Variants in PUDP observed in about 807,000 individuals in gnomAD.
PUDP encodes the protein pseudouridine-5'-phosphatase.
Under a neutral mutation model 9.4 loss-of-function variants are expected in PUDP, and 8 were observed. The observed-to-expected ratio is 0.85, with a 90% CI of 0.50 to 1.53. The LOEUF is 1.53. Among genes scored for constraint, PUDP ranks in the 40% most tolerant of loss-of-function variants. The probability of loss-of-function intolerance (pLI) is 0.00; values close to 1 mark genes in which losing one functional copy is unlikely to be tolerated. For missense variants in PUDP, 188 were observed against 189.7 expected (o/e 0.99, Z 0.05); for synonymous variants, 99 against 80.7 (o/e 1.23, Z -1.22).
intron 1 of PUDP, among the ~76,000 whole-genome samples, chrX:7,140,268 T>C (rs1299116070): frequency 1.8e-5 from 2 of 112,108 alleles, no homozygotes; most frequent in Non-Finnish European, 3.8e-5. Context: ...GCTCTTAATA[T>C]ATTAAATGCT....
intron 1 of PUDP, among the ~76,000 whole-genome samples, chrX:6,713,056 C>G (rs1374828918): frequency 2.7e-5 from 3 of 111,391 alleles, no homozygotes; most frequent in African/African-American, 9.8e-5. Flanking sequence ...AAAAAACAAA[C>G]AAAAAGAAAC....
At chrX:6,969,333 G>A (rs1031349844) in intron 3 of PUDP, among the ~76,000 whole-genome samples, 47 of 112,089 alleles carry the variant, frequency 4.2e-4, no homozygotes, top group African/African-American at 1.2e-3. Context: ...AGGTGTCCTC[G>A]TCTCTTGGCT....
At chrX:6,822,628 T>C (rs763930841) in intron 3 of PUDP, among the ~76,000 whole-genome samples, 14 of 110,838 alleles carry the variant, frequency 1.3e-4, no homozygotes, top group African/African-American at 4.6e-4. Flanking sequence ...GGTTTCGCCA[T>C]ATTGGCTAGG....
intron 3 of PUDP, among the ~76,000 whole-genome samples, chrX:7,059,584 A>C (rs1447379741): frequency 8.9e-6 from 1 of 111,948 alleles, no homozygotes; most frequent in East Asian, 2.8e-4. Context: ...CTTCAGACAG[A>C]CTCGGGAAGA....
chrX:7,070,272 C>T (rs1401546384), intron 3 of PUDP, among the ~76,000 whole-genome samples: 2 of 111,612 alleles, frequency 1.8e-5, no homozygotes, highest in Non-Finnish European at 3.8e-5. Flanking sequence ...TTTTAAATAA[C>T]GAAAGAAGGG....
chrX:7,017,083 C>A (rs776814933), intron 1 of PUDP, among the ~76,000 whole-genome samples: 1 of 111,749 alleles, frequency 8.9e-6, no homozygotes, highest in African/African-American at 3.3e-5. Context: ...CCCCACTGCC[C>A]GAAACCCTCC....
intron 3 of PUDP, among the ~76,000 whole-genome samples, chrX:6,885,626 A>G (rs1359415017): frequency 8.9e-6 from 1 of 112,038 alleles, no homozygotes; most frequent in Non-Finnish European, 1.9e-5. Context: ...AGCCTTACTC[A>G]TTGGTTTGCA....
intron 1 of PUDP, among the ~76,000 whole-genome samples, chrX:7,027,401 C>A (rs775726530): frequency 4.1e-4 from 45 of 110,086 alleles, no homozygotes; most frequent in African/African-American, 1.4e-3. Flanking sequence ...TCTGATTTTT[C>A]TGAGCTTATC....
Position 6,954,306 on chromosome X carries a change from C to A in PUDP, c.*247+22827G>T, listed in dbSNP as rs765466560. Among the ~76,000 whole-genome samples the A allele has an allele frequency of 6.3e-5, 7 of 111,044 alleles. No individual in the cohort carries two copies. The South Asian group carries it at 1.9e-3, about 31-fold the overall frequency. ...CTCCTTTGTTTCCCAGTTTGTTAAA[C>A]AGGGTCAGTCCATGCATGTGCCATA... On this transcript the variant is annotated intron_variant and NMD_transcript_variant, in intron 3 of 3. Transcript: ENST00000655425.
At position 6,810,587 on chromosome X, in the gene PUDP, A is replaced by C. The variant is rs1926126940; in HGVS notation, c.*248-104121T>G. Among the ~76,000 whole-genome samples, 3 of 111,458 alleles carry C rather than the reference A, an allele frequency of 2.7e-5. No individual in the cohort carries two copies. In the South Asian group the frequency reaches 1.1e-3, roughly 43 times the overall value. ...CAATTCTCAGACTCCGTATGAAAAA[A>C]ATGGCCCTATGAATTCCCAAAATGC... is the stretch of plus-strand genomic sequence containing the variant. On this transcript the variant is annotated intron_variant and NMD_transcript_variant, in intron 3 of 3. Transcript: ENST00000655425.
intron 3 of PUDP, among the ~76,000 whole-genome samples, chrX:6,876,437 T>A (rs1467291315): frequency 1.8e-5 from 2 of 111,262 alleles, no homozygotes; most frequent in Non-Finnish European, 3.8e-5. Context: ...TGTATATGCA[T>A]ATATGTATAC....
Position 7,022,744 on chromosome X carries a change from T to G in PUDP, c.205-44401A>C, listed in dbSNP as rs572507573. 7.2e-5 allele frequency among the ~76,000 whole-genome samples: 8 copies of G among 111,570 alleles called. No individual in the cohort carries two copies. In the South Asian group the frequency reaches 3.0e-3, roughly 42 times the overall value. ...TTGTTTCTGGAACATTACATATAAG[T>G]AAAGGAGGGATTTCCTCTTCTGGCC... On this transcript the variant is annotated intron_variant and NMD_transcript_variant, in intron 1 of 3. Transcript: ENST00000655425.
At chrX:6,896,603 T>C (rs923837397) in intron 3 of PUDP, among the ~76,000 whole-genome samples, 1 of 112,021 alleles carries the variant, frequency 8.9e-6, no homozygotes, top group Admixed American at 9.5e-5. Flanking sequence ...ATGTGGTTAA[T>C]TGGTTTGTCC....
chrX:6,796,055 T>C (rs1254279996), intron 3 of PUDP, among the ~76,000 whole-genome samples: 4 of 111,902 alleles, frequency 3.6e-5, no homozygotes, highest in African/African-American at 9.8e-5. Context: ...CCATTATGAA[T>C]TGTCTTGGCC....
intron 3 of PUDP, among the ~76,000 whole-genome samples, chrX:7,064,514 C>T (rs1349392473): frequency 1.8e-5 from 2 of 111,029 alleles, no homozygotes; most frequent in African/African-American, 3.3e-5. Flanking sequence ...TCCCCCTCCT[C>T]GCTCCTATTT....
At chrX:7,131,661 G>C (rs1317667424) in intron 1 of PUDP, among the ~76,000 whole-genome samples, 1 of 108,898 alleles carries the variant, frequency 9.2e-6, no homozygotes, top group East Asian at 2.9e-4. Context: ...TCCTTCTATC[G>C]TTCATCTGGA....
chrX:7,050,897 T>C (rs1340568039), intron 3 of PUDP, among the ~76,000 whole-genome samples: 1 of 112,539 alleles, frequency 8.9e-6, no homozygotes, highest in Non-Finnish European at 1.9e-5. Context: ...TTATGTACTG[T>C]GGTTTGAAAA....
At chrX:6,763,858 G>A (rs1443825174) in intron 3 of PUDP, among the ~76,000 whole-genome samples, 1 of 111,750 alleles carries the variant, frequency 8.9e-6, no homozygotes, top group Non-Finnish European at 1.9e-5. Context: ...CAGCAGCAAG[G>A]GTGTTTATAA....
intron 3 of PUDP, among the ~76,000 whole-genome samples, chrX:6,869,415 C>T (rs780230926): frequency 4.5e-5 from 5 of 111,589 alleles, no homozygotes; most frequent in Admixed American, 9.6e-5. Context: ...CACTTTCTTG[C>T]GCCTGGGCTG....
Sources: allele counts gnomAD v4.1 joint callset (sites outside exome capture counted in the v4.1 genomes callset), GRCh38; gene constraint gnomAD v4.1.1; transcripts MANE v1.5; gene names NCBI Gene and HGNC (gene_info 2026-07-23, HGNC 2026-07-21).